The following PASD1 variants were observed in gnomAD, a reference collection of about 807,000 sequenced individuals.
PASD1 encodes the protein PAS domain containing repressor 1, also known as circadian clock protein PASD1.
A neutral mutation model predicts 58.8 loss-of-function variants in PASD1; 13 were observed. That is an observed-to-expected ratio of 0.22 (90% CI 0.14 to 0.35). The LOEUF is 0.35. PASD1 is among the 10% of genes least tolerant of loss of function. The pLI is 1.00. For missense variants in PASD1, 734 were observed against 568.3 expected (o/e 1.29, Z -2.96); for synonymous variants, 236 against 216.7 (o/e 1.09, Z -0.78).
At chrX:151,664,369 C>T in intron 11 of PASD1, 21 bp downstream of exon 11, 3 of 1,207,695 alleles carry the variant, frequency 2.5e-6, no homozygotes, top group South Asian at 1.8e-5. Context: ...AGTCTCGCTT[C>T]ACTCGCTTCA....
chrX:151,571,900 A>G (rs2012933101), intron 1 of PASD1, among the ~76,000 whole-genome samples: 1 of 111,069 alleles, frequency 9.0e-6, no homozygotes, highest in Non-Finnish European at 1.9e-5. Context: ...CTCTCTTGCA[A>G]CCTTTTTCTC....
In PASD1 at chrX:151,613,569, A is replaced by T. The variant is rs56161431; in HGVS notation, c.207+1816A>T. Reference sequence around the variant, plus strand: ...AGTTGGATTCCTAGGTATTTTATTCACTTTGAAGCAATTGCGAATGGGAGT... The same window carrying T: ...AGTTGGATTCCTAGGTATTTTATTCTCTTTGAAGCAATTGCGAATGGGAGT... On this transcript the variant is annotated intron_variant, in intron 4 of 15. Transcript: ENST00000370357. Among the ~76,000 whole-genome samples the T allele has an allele frequency of 9.2e-3, 1,010 of 109,267 alleles. 18 individuals carry two copies. Among genetic ancestry groups the T allele is most frequent in the African/African-American group, 0.033 (971 of 29,798 alleles). The allele number at this position is 109,267 out of a possible 115,157, so 94.9% of individuals were successfully genotyped here.
chrX:151,597,491 T>G (rs906431701), intron 1 of PASD1, among the ~76,000 whole-genome samples: 1 of 111,958 alleles, frequency 8.9e-6, no homozygotes, highest in Non-Finnish European at 1.9e-5. Flanking sequence ...TGCTTTTTAC[T>G]ATGTTGTATT....
intron 8 of PASD1, among the ~76,000 whole-genome samples, chrX:151,626,828 G>T (rs1313788993): frequency 9.0e-6 from 1 of 111,675 alleles, no homozygotes; most frequent in Non-Finnish European, 1.9e-5. Flanking sequence ...AGGTAAGGAA[G>T]CCAGAGCTGG....
At position 151,621,574 on chromosome X, in the gene PASD1, G is replaced by T. The variant is rs201256425; in HGVS notation, c.400G>T (p.Val134Leu). The T allele has an allele frequency of 8.4e-7, 1 of 1,193,580 alleles. No individual in the cohort carries two copies. Among genetic ancestry groups the T allele is most frequent in the African/African-American group, 1.7e-5 (1 of 57,202 alleles). ...CGAAAACGTGAAATTTATTGTGAATGTAAGAGATATTTGTAATGGTAAGCA... is the reference window on the plus strand; with the variant it reads ...CGAAAACGTGAAATTTATTGTGAATTTAAGAGATATTTGTAATGGTAAGCA... Reference protein sequence around the residue: ...AYENVKFIVNVRDICNEFPVV... With the variant: ...AYENVKFIVNLRDICNEFPVV... Residue 134 changes from valine to leucine, a missense_variant, in exon 6 of 16, where the codon GTA becomes TTA. Physicochemically the swap from Val to Leu is conservative, Grantham distance 32 (BLOSUM62 1). Coordinates refer to ENST00000370357, the MANE Select transcript of PASD1 (RefSeq NM_173493.3).
At position 151,664,303 on chromosome X, in the gene PASD1, T is replaced by C; in HGVS notation, c.1026T>C (p.Asp342=). The change falls in exon 11 of 16, where the codon GAT becomes GAC. Residue 342 remains aspartate (D), a synonymous_variant. Coordinates refer to ENST00000370357, the MANE Select transcript of PASD1 (RefSeq NM_173493.3). The stretch of plus-strand genomic sequence containing the variant: ...AGGCAGGCCTGATGGATCCAGTGGA[T>C]CCAGAGGACTCAGTGGACCTGGGGG... ...LDQAGLMDPV[D]PEDSVDLGAA... 1 of 1,211,539 alleles carries C rather than the reference T, an allele frequency of 8.3e-7. No homozygotes were observed. Among genetic ancestry groups the C allele is most frequent in the Non-Finnish European group, 1.1e-6 (1 of 895,438 alleles).
intron 1 of PASD1, among the ~76,000 whole-genome samples, chrX:151,590,170 AG>A (rs1276193352): frequency 8.9e-6 from 1 of 112,098 alleles, no homozygotes; most frequent in Non-Finnish European, 1.9e-5. Context: ...TTGAAAATGA[AG>A]AATGCCACAA....
At chrX:151,570,963 CAG>C (rs774746750) in intron 1 of PASD1, among the ~76,000 whole-genome samples, 8 of 111,850 alleles carry the variant, frequency 7.2e-5, no homozygotes, top group African/African-American at 9.7e-5. Context: ...CAGCCTCAAA[CAG>C]GGGCTGTATT....
At position 151,664,186 on chromosome X, in the gene PASD1, C is replaced by T. The variant is rs751863493; in HGVS notation, c.909C>T (p.Asp303=). 8 of 1,211,263 alleles carry T rather than the reference C, an allele frequency of 6.6e-6. No individual in the cohort carries two copies. The highest frequency in any genetic ancestry group is 8.9e-6 in the Non-Finnish European group (8 of 895,407). Residue 303 remains aspartate, a synonymous_variant, in exon 11 of 16, where the codon GAC becomes GAT. Coordinates refer to ENST00000370357, the MANE Select transcript of PASD1 (RefSeq NM_173493.3). ...VNPLYRADPV[D]LEFSVDQVDS... ...CATTGTACAGGGCAGACCCAGTGGA[C>T]CTGGAGTTCTCGGTGGATCAGGTGG... is the stretch of plus-strand genomic sequence containing the variant.
At chrX:151,622,082 A>G (rs930814797) in intron 6 of PASD1, among the ~76,000 whole-genome samples, 1 of 110,212 alleles carries the variant, frequency 9.1e-6, no homozygotes, top group Admixed American at 9.7e-5. Context: ...CTGTCCATTG[A>G]CCCAGAGGAA....
chrX:151,641,840 ACG>A (rs1347564599), intron 8 of PASD1, among the ~76,000 whole-genome samples: 3 of 103,561 alleles, frequency 2.9e-5, no homozygotes, highest in Middle Eastern at 5.1e-3. Context: ...ACACACACAC[ACG>A]CGCGCGCGCG....
intron 5 of PASD1, 60 bp from the exon 6 acceptor site, chrX:151,621,422 C>A: frequency 4.7e-6 from 4 of 844,421 alleles, no homozygotes; most frequent in Non-Finnish European, 3.4e-6. Context: ...TGAAATAATC[C>A]AGTAGAATAT....
In PASD1 at chrX:151,572,872, A is replaced by G. The variant is rs748638557; in HGVS notation, c.-28+9033A>G. Among the ~76,000 whole-genome samples, 11 of 106,749 alleles carry G rather than the reference A, an allele frequency of 1.0e-4. No homozygotes were observed. In the South Asian group the frequency reaches 4.8e-3, roughly 47 times the overall value. The allele number at this position is 106,749 out of a possible 115,157, so 92.7% of individuals were successfully genotyped here. On this transcript the variant is annotated intron_variant, in intron 1 of 15. Coordinates refer to ENST00000370357, the MANE Select transcript of PASD1 (RefSeq NM_173493.3). ...CTGAGACTGGGTAATTTATAAAGAA[A>G]AGAGATTTAATTAACTAACAGTTCT...
rs183330323 is a variant in PASD1, at chrX:151,607,773, C to G, written c.117+3039C>G. ...AATGGGGAACCCAGATCCCATGCTCCGAGGTGGATGAAGTTACTGCCTTCA... is the reference window on the plus strand; with the variant it reads ...AATGGGGAACCCAGATCCCATGCTCGGAGGTGGATGAAGTTACTGCCTTCA... On this transcript the variant is annotated intron_variant, in intron 3 of 15. Coordinates refer to ENST00000370357, the MANE Select transcript of PASD1 (RefSeq NM_173493.3). Among the ~76,000 whole-genome samples, 18 of 111,895 alleles carry G rather than the reference C, an allele frequency of 1.6e-4. No homozygotes were observed. In the East Asian group the frequency reaches 5.1e-3, roughly 32 times the overall value.
chrX:151,670,899 C>T (rs1333306209), intron 11 of PASD1, 139 bp from the exon 12 acceptor site: 2 of 709,854 alleles, frequency 2.8e-6, no homozygotes, highest in Middle Eastern at 4.2e-4. Context: ...TTCAAACTTT[C>T]TAGTAATGAA....
intron 1 of PASD1, among the ~76,000 whole-genome samples, chrX:151,572,044 A>G (rs899826344): frequency 1.8e-5 from 2 of 111,145 alleles, no homozygotes; most frequent in African/African-American, 6.6e-5. Context: ...CAGCTACCTC[A>G]CACAGTAAAT....
intron 3 of PASD1, among the ~76,000 whole-genome samples, chrX:151,607,569 G>A (rs2013503703): frequency 8.9e-6 from 1 of 111,983 alleles, no homozygotes. Flanking sequence ...CACACAGCGG[G>A]TTGTTCAGTC....
chrX:151,642,532 A>G (rs373752352), intron 8 of PASD1, among the ~76,000 whole-genome samples: 1 of 112,548 alleles, frequency 8.9e-6, no homozygotes, highest in East Asian at 2.8e-4. Context: ...GAATAAAAAC[A>G]GAATTTCAGG....
intron 9 of PASD1, among the ~76,000 whole-genome samples, chrX:151,650,563 TC>T (rs1358861865): frequency 8.9e-6 from 1 of 111,757 alleles, no homozygotes; most frequent in African/African-American, 3.3e-5. Context: ...TCCATTTTTT[TC>T]AACAGTCACA....
Sources: gnomAD v4.1 joint callset for allele counts (sites outside exome capture counted in the v4.1 genomes callset) on GRCh38, gnomAD v4.1.1 for gene constraint, MANE v1.5 for transcripts, NCBI Gene and HGNC (gene_info 2026-07-23, HGNC 2026-07-21) for gene names.